The following KIF26B variants were observed in gnomAD, a reference collection of about 807,000 sequenced individuals.
The protein encoded by KIF26B is kinesin-like protein KIF26B.
In KIF26B, 63 loss-of-function variants were observed where a neutral mutation model predicts 151.2. The ratio of observed to expected loss-of-function variants is 0.42; its 90% CI spans 0.34 to 0.51. KIF26B has a LOEUF of 0.51. KIF26B is among the 20% of genes least tolerant of loss of function. KIF26B has a pLI of 0.07. For missense variants in KIF26B, 2,813 were observed against 2,913.6 expected (o/e 0.97, Z 0.79); for synonymous variants, 1,357 against 1,262.1 (o/e 1.08, Z -1.59).
intron 2 of KIF26B, among the ~76,000 whole-genome samples, chr1:245,247,613 G>C (rs548682787): frequency 3.3e-5 from 5 of 152,316 alleles, no homozygotes; most frequent in African/African-American, 1.2e-4. Context: ...GAGCGAGCTT[G>C]TTTATGGAAG....
chr1:245,277,207 T>A (rs1349364540), intron 2 of KIF26B, among the ~76,000 whole-genome samples: 5 of 152,194 alleles, frequency 3.3e-5, no homozygotes, highest in Admixed American at 3.3e-4. Flanking sequence ...AATGAATTTC[T>A]GTTACTCTAA....
At chr1:245,373,324 G>A (rs1673169876) in intron 3 of KIF26B, among the ~76,000 whole-genome samples, 2 of 152,196 alleles carry the variant, frequency 1.3e-5, no homozygotes, top group African/African-American at 4.8e-5. Context: ...GAAACCACCA[G>A]GTATTTGATT....
chr1:245,339,587 T>G (rs1394848596), intron 2 of KIF26B, among the ~76,000 whole-genome samples: 1 of 152,240 alleles, frequency 6.6e-6, no homozygotes, highest in Non-Finnish European at 1.5e-5. Context: ...GGATTTGGGA[T>G]GTGGAAGTAA....
chr1:245,249,489 A>ATT (rs60378504), intron 2 of KIF26B, among the ~76,000 whole-genome samples: 5 of 79,804 alleles, frequency 6.3e-5, no homozygotes, highest in African/African-American at 1.5e-4. Flanking sequence ...GTGTTAATCT[A>ATT]TTTTTTTTTT....
chr1:245,700,149 A>G (rs1278205036), intron 14 of KIF26B, among the ~76,000 whole-genome samples: 1 of 152,202 alleles, frequency 6.6e-6, no homozygotes, highest in Non-Finnish European at 1.5e-5. Flanking sequence ...GGCCACAGGC[A>G]TACAGACCTG....
At chr1:245,581,062 T>A (rs560852635) in intron 5 of KIF26B, among the ~76,000 whole-genome samples, 17 of 152,386 alleles carry the variant, frequency 1.1e-4, no homozygotes, top group African/African-American at 3.8e-4. Flanking sequence ...AAATTCTGGC[T>A]GTGTGGGACA....
At chr1:245,435,097 C>CTCCATCCATCCATCCA (rs1217901256) in intron 4 of KIF26B, among the ~76,000 whole-genome samples, 1 of 85,128 alleles carries the variant, frequency 1.2e-5, no homozygotes, top group Non-Finnish European at 2.4e-5. Flanking sequence ...CCATCCATCT[C>CTCCATCCATCCATCCA]TCCATCCATC....
chr1:245,688,634 G>A lies in KIF26B; in HGVS notation c.5651G>A (p.Gly1884Glu). 1 of 1,601,062 alleles carries A rather than the reference G, an allele frequency of 6.2e-7. No homozygotes were observed. The highest frequency in any genetic ancestry group is 8.5e-7 in the Non-Finnish European group (1 of 1,175,374). Residue 1884 changes from glycine to glutamate, a missense_variant, in exon 12 of 15, where the codon GGG becomes GAG. Physicochemically the swap from Gly to Glu is moderately conservative, Grantham distance 98 (BLOSUM62 -2). Coordinates refer to ENST00000407071, the MANE Select transcript of KIF26B (RefSeq NM_018012.4). The part of the protein sequence containing the change: ...VLSGELPPAM[G>E]KTALFYHSGG... ...AGCGGGGAGCTCCCGCCGGCCATGG[G>A]GAAGACGGCCCTGTTCTACCACAGC...
intron 2 of KIF26B, among the ~76,000 whole-genome samples, chr1:245,240,609 G>A (rs1670198197): frequency 1.3e-5 from 2 of 152,224 alleles, no homozygotes; most frequent in South Asian, 4.1e-4. Context: ...AAAAAGGTAG[G>A]AGGGGGCTCG....
At chr1:245,485,127 T>A (rs915329868) in intron 4 of KIF26B, among the ~76,000 whole-genome samples, 1 of 152,092 alleles carries the variant, frequency 6.6e-6, no homozygotes, top group Non-Finnish European at 1.5e-5. Flanking sequence ...AAAAGGCCAA[T>A]AATATATAAA....
In KIF26B at chr1:245,626,924, C is replaced by T. The variant is rs182749692; in HGVS notation, c.2098+14948C>T. On this transcript the variant is annotated intron_variant, in intron 9 of 14. Transcript: ENST00000407071. ...GATTTTTATATATGGTAAGAGATAG[C>T]GGTCTAGTTTCACCCTTCTGCTTAT... Among the ~76,000 whole-genome samples the T allele has an allele frequency of 5.3e-5, 8 of 152,188 alleles. No individual in the cohort carries two copies. The East Asian group carries it at 7.7e-4, about 15-fold the overall frequency.
In KIF26B at chr1:245,318,102, A is replaced by G. The variant is rs1165312633; in HGVS notation, c.466-48732A>G. On this transcript the variant is annotated intron_variant, in intron 2 of 14. Coordinates refer to ENST00000407071, the MANE Select transcript of KIF26B (RefSeq NM_018012.4). This position sits in a 1 kb window ranked among gnomAD's most constrained non-coding sequence, Gnocchi z 4.0. ...ATGCAAAAACATGGTTTCTCTTCTCAGTTCAGATTGCCTCTGTTGCAAGGA... is the reference window on the plus strand; with the variant it reads ...ATGCAAAAACATGGTTTCTCTTCTCGGTTCAGATTGCCTCTGTTGCAAGGA... 6.6e-6 allele frequency among the ~76,000 whole-genome samples: 1 copy of G among 152,178 alleles called. No individual in the cohort carries two copies. The highest frequency in any genetic ancestry group is 1.5e-5 in the Non-Finnish European group (1 of 68,034).
intron 10 of KIF26B, among the ~76,000 whole-genome samples, chr1:245,663,901 G>A (rs901070234): frequency 6.6e-6 from 1 of 152,178 alleles, no homozygotes; most frequent in Non-Finnish European, 1.5e-5. Context: ...AGCTTTGACT[G>A]CTGCCACATA....
At chr1:245,322,615 T>G (rs1393422368) in intron 2 of KIF26B, among the ~76,000 whole-genome samples, 3 of 152,214 alleles carry the variant, frequency 2.0e-5, no homozygotes, top group Non-Finnish European at 4.4e-5. Flanking sequence ...TAGTAACTGA[T>G]GTTTAACAAC....
chr1:245,465,216 G>A (rs1341143561), intron 4 of KIF26B, among the ~76,000 whole-genome samples: 1 of 152,166 alleles, frequency 6.6e-6, no homozygotes, highest in Non-Finnish European at 1.5e-5. Flanking sequence ...CTGACCTCGT[G>A]ATCCGCCCGC....
rs112429403 is a variant in KIF26B, at chr1:245,573,823, G to A, written c.1351-28754G>A. ...GTTTTTCTGATCTGGTAACCAGGGC[G>A]GCTACTGAGTGGTTAACAGGCAGGC... On this transcript the variant is annotated intron_variant, in intron 5 of 14. Coordinates refer to ENST00000407071, the MANE Select transcript of KIF26B (RefSeq NM_018012.4). 7.8e-3 allele frequency among the ~76,000 whole-genome samples: 1,181 copies of A among 152,232 alleles called. 7 individuals are homozygous for A. Among genetic ancestry groups the A allele is most frequent in the Middle Eastern group, 0.02 (6 of 294 alleles).
At chr1:245,410,187 GT>G (rs1674242820) in intron 3 of KIF26B, among the ~76,000 whole-genome samples, 1 of 152,126 alleles carries the variant, frequency 6.6e-6, no homozygotes, top group African/African-American at 2.4e-5. Context: ...TCCCATCCCA[GT>G]TCTTCCTCCT....
chr1:245,161,155 A>G (rs913192517), intron 2 of KIF26B, among the ~76,000 whole-genome samples: 11 of 152,236 alleles, frequency 7.2e-5, no homozygotes, highest in Non-Finnish European at 1.5e-4. Context: ...AGATAATAGC[A>G]GTCATGAAAA....
At chr1:245,550,602 A>C (rs1031513777) in intron 5 of KIF26B, among the ~76,000 whole-genome samples, 1 of 152,216 alleles carries the variant, frequency 6.6e-6, no homozygotes, top group African/African-American at 2.4e-5. Flanking sequence ...CTGGGGCAAA[A>C]GGCAGAGGAC....
Sources: gnomAD v4.1 joint callset for allele counts (sites outside exome capture counted in the v4.1 genomes callset) on GRCh38, gnomAD v4.1.1 for gene constraint, Gnocchi (gnomAD v3.1) non-coding constraint, MANE v1.5 for transcripts, NCBI Gene and HGNC (gene_info 2026-07-23, HGNC 2026-07-21) for gene names.